The following RPTOR variants were observed in gnomAD, a reference collection of about 807,000 sequenced individuals.
RPTOR encodes the protein regulatory-associated protein of mTOR.
In RPTOR, 21 loss-of-function variants were observed where a neutral mutation model predicts 169.9. The ratio of observed to expected loss-of-function variants is 0.12; its 90% CI spans 0.09 to 0.18. The LOEUF (loss-of-function observed/expected upper bound fraction) is 0.18. Among genes scored for constraint, RPTOR ranks in the 10% least tolerant of loss-of-function variants. The probability of loss-of-function intolerance (pLI) is 1.00; values close to 1 mark genes in which losing one functional copy is unlikely to be tolerated. For missense variants in RPTOR, 1,133 were observed against 1,855.9 expected (o/e 0.61, Z 7.16); for synonymous variants, 732 against 753.2 (o/e 0.97, Z 0.46).
intron 6 of RPTOR, among the ~76,000 whole-genome samples, chr17:80,769,811 T>G (rs9989484): frequency 0.27 from 41,522 of 151,820 alleles, 5,836 homozygotes; most frequent in African/African-American, 0.33. Flanking sequence ...GGCATCTGAG[T>G]GAAGGATGGT....
intron 3 of RPTOR, among the ~76,000 whole-genome samples, chr17:80,693,344 C>T (rs908509093): frequency 3.3e-5 from 5 of 152,202 alleles, no homozygotes; most frequent in Admixed American, 1.3e-4. Flanking sequence ...TTGCTCCCAG[C>T]GGAGATGGTG....
intron 7 of RPTOR, among the ~76,000 whole-genome samples, chr17:80,799,007 C>G (rs1228285602): frequency 1.3e-5 from 2 of 152,142 alleles, no homozygotes; most frequent in Non-Finnish European, 2.9e-5. Context: ...CACATCTGTG[C>G]CGGCATGACC....
chr17:80,898,045 T>C (rs1322709120), intron 20 of RPTOR, among the ~76,000 whole-genome samples: 2 of 152,344 alleles, frequency 1.3e-5, no homozygotes, highest in Non-Finnish European at 2.9e-5. Context: ...GGTGTCTGAG[T>C]AGAATTTGCC....
At chr17:80,782,173 AGGCAGC>A (rs1205667676) in intron 6 of RPTOR, among the ~76,000 whole-genome samples, 1 of 152,164 alleles carries the variant, frequency 6.6e-6, no homozygotes, top group Non-Finnish European at 1.5e-5. Flanking sequence ...CTGTTTGCAG[AGGCAGC>A]GGCTGGTTTC....
chr17:80,617,321 A>G (rs1321182041), intron 1 of RPTOR, among the ~76,000 whole-genome samples: 1 of 152,218 alleles, frequency 6.6e-6, no homozygotes, highest in Non-Finnish European at 1.5e-5. Flanking sequence ...ATATTCTTTG[A>G]GAACATATTT....
intron 3 of RPTOR, among the ~76,000 whole-genome samples, chr17:80,685,748 C>A (rs1944569801): frequency 6.7e-6 from 1 of 148,976 alleles, no homozygotes. Context: ...AGCTGCTACT[C>A]CCCACATCGT....
chr17:80,942,552 C>G (rs1426275319), intron 25 of RPTOR, among the ~76,000 whole-genome samples: 1 of 152,030 alleles, frequency 6.6e-6, no homozygotes, highest in Admixed American at 6.6e-5. Context: ...AGGCGTAGTG[C>G]CGGGAGTCAC....
At chr17:80,676,556 C>T (rs1023848672) in intron 3 of RPTOR, among the ~76,000 whole-genome samples, 1 of 152,216 alleles carries the variant, frequency 6.6e-6, no homozygotes, top group African/African-American at 2.4e-5. Flanking sequence ...ACCCAGTGCC[C>T]TGTCTCCGCA....
At chr17:80,801,446 C>T (rs529927195) in intron 7 of RPTOR, among the ~76,000 whole-genome samples, 202 of 152,270 alleles carry the variant, frequency 1.3e-3, no homozygotes, top group Non-Finnish European at 2.4e-3. Flanking sequence ...CATCTCCTTC[C>T]CCTCGGCATG....
rs1430442767 is a variant in RPTOR, at chr17:80,659,557, G to A, written c.348+15747G>A. ...GGAGTTTCTCTCTGTCGCCAGGCTG[G>A]ATACAGTGGCACGATCTTGGCTCAC... On this transcript the variant is annotated intron_variant, in intron 3 of 33. Transcript: ENST00000306801. The surrounding 1 kb of genome is among the most constrained non-coding windows in gnomAD (Gnocchi z 4.3). Among the ~76,000 whole-genome samples the A allele has an allele frequency of 1.3e-5, 2 of 151,900 alleles. No individual in the cohort carries two copies. The highest frequency in any genetic ancestry group is 2.9e-5 in the Non-Finnish European group (2 of 67,966).
At chr17:80,876,076 G>C (rs1189957661) in intron 13 of RPTOR, among the ~76,000 whole-genome samples, 1 of 75,020 alleles carries the variant, frequency 1.3e-5, no homozygotes, top group Admixed American at 1.4e-4. Flanking sequence ...CCCGTGCCAC[G>C]CAGGGTGTGT....
intron 24 of RPTOR, among the ~76,000 whole-genome samples, chr17:80,938,082 C>T (rs929292914): frequency 6.6e-6 from 1 of 152,258 alleles, no homozygotes; most frequent in African/African-American, 2.4e-5. Context: ...CAGGCAGAAG[C>T]CCCTGGGCCG....
chr17:80,841,815 G>C (rs1274387718), intron 10 of RPTOR, among the ~76,000 whole-genome samples: 4 of 105,472 alleles, frequency 3.8e-5, no homozygotes, highest in Admixed American at 2.9e-4. Flanking sequence ...CTCACCGCAC[G>C]GCAGCTCACT....
intron 2 of RPTOR, among the ~76,000 whole-genome samples, chr17:80,635,523 C>T (rs188102310): frequency 1.3e-5 from 2 of 152,240 alleles, no homozygotes; most frequent in Non-Finnish European, 2.9e-5. Flanking sequence ...CCATTTCGCA[C>T]ATGGTGAGGT....
At position 80,962,569 on chromosome 17, in the gene RPTOR, G is replaced by C; in HGVS notation, c.3801G>C (p.Leu1267=). The part of the protein sequence containing the change: ...TALDIHPQAD[L]IACGSVNQFT... ...TGGACATCCACCCCCAGGCGGACCT[G>C]ATCGCATGGTAGGCGCCACCCACCT... The change falls in exon 32 of 34, where the codon CTG becomes CTC. Residue 1267 remains leucine (L), a synonymous_variant. Transcript: ENST00000306801. The C allele has an allele frequency of 6.2e-7, 1 of 1,613,166 alleles. No individual in the cohort carries two copies. The highest frequency in any genetic ancestry group is 8.5e-7 in the Non-Finnish European group (1 of 1,179,684).
chr17:80,661,353 G>T (rs557192360), intron 3 of RPTOR, among the ~76,000 whole-genome samples: 1 of 152,320 alleles, frequency 6.6e-6, no homozygotes, highest in African/African-American at 2.4e-5. Flanking sequence ...GTCGGAGCCG[G>T]AGAGGCAGAG....
At chr17:80,745,548 T>G (rs2066564203) in intron 5 of RPTOR, among the ~76,000 whole-genome samples, 1 of 152,286 alleles carries the variant, frequency 6.6e-6, no homozygotes, top group Non-Finnish European at 1.5e-5. Flanking sequence ...CTGCTCTTTT[T>G]GGTACACTGT....
intron 29 of RPTOR, among the ~76,000 whole-genome samples, chr17:80,958,343 G>T (rs151132043): frequency 6.6e-6 from 1 of 151,414 alleles, no homozygotes; most frequent in African/African-American, 2.4e-5. Context: ...TTCCTGCCTT[G>T]GCCTCCCAAA....
chr17:80,940,381 G>T, intron 24 of RPTOR, 115 bp from the exon 25 acceptor site: 1 of 748,934 alleles, frequency 1.3e-6, no homozygotes, highest in South Asian at 1.8e-5. Flanking sequence ...TCGTATTGGG[G>T]ACTGAGCCGC....
Sources: gnomAD v4.1 joint callset for allele counts (sites outside exome capture counted in the v4.1 genomes callset) on GRCh38, gnomAD v4.1.1 for gene constraint, Gnocchi (gnomAD v3.1) non-coding constraint, MANE v1.5 for transcripts, NCBI Gene and HGNC (gene_info 2026-07-23, HGNC 2026-07-21) for gene names.